Variants in CDH26 observed in about 807,000 individuals in gnomAD.
The protein encoded by CDH26 is cadherin-like protein 26.
In CDH26, 83 loss-of-function variants were observed where a neutral mutation model predicts 90.3. The ratio of observed to expected loss-of-function variants is 0.92; its 90% CI spans 0.77 to 1.10. The LOEUF is 1.10. Ranked by LOEUF, CDH26 falls within the 50% of genes least tolerant of loss-of-function variation. The pLI is 0.00. For missense variants in CDH26, 1,013 were observed against 1,037.6 expected (o/e 0.98, Z 0.33); for synonymous variants, 397 against 396.3 (o/e 1.00, Z -0.02).
chr20:59,990,832 C>T (rs2061519127), intron 9 of CDH26, among the ~76,000 whole-genome samples: 1 of 151,622 alleles, frequency 6.6e-6, no homozygotes, highest in Non-Finnish European at 1.5e-5. Flanking sequence ...TGTTAAAATG[C>T]AGATTGCTGG....
intron 8 of CDH26, among the ~76,000 whole-genome samples, chr20:60,032,366 G>T (rs2062046274): frequency 6.6e-6 from 1 of 152,202 alleles, no homozygotes; most frequent in Admixed American, 6.5e-5. Flanking sequence ...ATTTGCCAGG[G>T]AGACGAGGAG....
At chr20:60,000,369 C>T (rs2061660100) in intron 14 of CDH26, among the ~76,000 whole-genome samples, 1 of 152,164 alleles carries the variant, frequency 6.6e-6, no homozygotes, top group Admixed American at 6.5e-5. Flanking sequence ...CAAAGTTGAC[C>T]CAGGATTGCC....
downstream of CDH26, among the ~76,000 whole-genome samples, chr20:60,035,759 C>T (rs893371738): frequency 3.3e-5 from 5 of 152,054 alleles, no homozygotes; most frequent in African/African-American, 9.7e-5. Context: ...TGAGTTCTCA[C>T]GAGACCTGGT....
chr20:60,026,751 C>T (rs2062001203), intron 7 of CDH26, among the ~76,000 whole-genome samples: 2 of 152,202 alleles, frequency 1.3e-5, no homozygotes, highest in African/African-American at 4.8e-5. Flanking sequence ...AGAGAACAAG[C>T]TGAACTGCAC....
At chr20:60,007,525 A>C (rs938849930) in intron 17 of CDH26, among the ~76,000 whole-genome samples, 9 of 152,114 alleles carry the variant, frequency 5.9e-5, no homozygotes, top group Non-Finnish European at 1.2e-4. Context: ...ACCCACTAAA[A>C]CCCACTTTCA....
chr20:59,994,161 A>AT (rs903156238), intron 10 of CDH26, 89 bp from the exon 11 acceptor site: 97 of 1,513,268 alleles, frequency 6.4e-5, no homozygotes, highest in African/African-American at 2.5e-4. Context: ...TTTCAGGAAT[A>AT]TTTTTTTTCT....
At chr20:59,996,959 A>G (rs1359894246) in intron 13 of CDH26, among the ~76,000 whole-genome samples, 198 bp downstream of exon 13, 2 of 152,226 alleles carry the variant, frequency 1.3e-5, no homozygotes, top group Non-Finnish European at 2.9e-5. Context: ...AATGGTTCTC[A>G]ACCATGAGCA....
chr20:59,981,147 A>AT (rs1447783678), intron 4 of CDH26, among the ~76,000 whole-genome samples: 2 of 152,150 alleles, frequency 1.3e-5, no homozygotes, highest in Non-Finnish European at 2.9e-5. Flanking sequence ...TTTATAATAA[A>AT]TCTTGAAATT....
At chr20:60,006,254 T>C (rs1007267228) in intron 16 of CDH26, among the ~76,000 whole-genome samples, 2 of 152,166 alleles carry the variant, frequency 1.3e-5, no homozygotes, top group African/African-American at 4.8e-5. Flanking sequence ...CCTACCACTG[T>C]ATCCTCTGCC....
chr20:59,979,984 G>A (rs1326832143), intron 4 of CDH26, among the ~76,000 whole-genome samples: 1 of 152,108 alleles, frequency 6.6e-6, no homozygotes, highest in Non-Finnish European at 1.5e-5. Flanking sequence ...ATACCTAGGA[G>A]TGGCTTAGTT....
At chr20:59,976,054 C>A (rs959658309) in intron 4 of CDH26, among the ~76,000 whole-genome samples, 7 of 152,120 alleles carry the variant, frequency 4.6e-5, no homozygotes, top group Non-Finnish European at 1.0e-4. Context: ...TACCCCAAAA[C>A]CCATCTTTTT....
intron 16 of CDH26, among the ~76,000 whole-genome samples, chr20:60,004,661 G>A (rs1480642180): frequency 6.6e-6 from 1 of 151,376 alleles, no homozygotes; most frequent in African/African-American, 2.4e-5. Context: ...AGCTACTTGG[G>A]AGGCTGAGGC....
At chr20:59,974,752 G>A (rs1332305934) in intron 4 of CDH26, among the ~76,000 whole-genome samples, 1 of 152,160 alleles carries the variant, frequency 6.6e-6, no homozygotes, top group Non-Finnish European at 1.5e-5. Flanking sequence ...CACAAGGAAA[G>A]ATACAGGGTG....
At chr20:59,982,887 G>T (rs759778022) in intron 4 of CDH26, 36 bp from the exon 5 acceptor site, 5 of 1,604,978 alleles carry the variant, frequency 3.1e-6, no homozygotes, top group African/African-American at 1.3e-5. Flanking sequence ...TCGAGTAAAT[G>T]GTTCTGCAGG....
chr20:60,023,563 T>A (rs1199404721), intron 7 of CDH26, among the ~76,000 whole-genome samples: 1 of 150,400 alleles, frequency 6.6e-6, no homozygotes, highest in African/African-American at 2.5e-5. Flanking sequence ...AAATTTATAA[T>A]GTTAAAAAAA....
At chr20:59,993,183 A>C (rs2061549128) in intron 10 of CDH26, among the ~76,000 whole-genome samples, 3 of 152,114 alleles carry the variant, frequency 2.0e-5, no homozygotes, top group Non-Finnish European at 4.4e-5. Context: ...TTAAGGGAGG[A>C]GAAAAAATGG....
At chr20:59,981,424 AT>A (rs2061394052) in intron 4 of CDH26, among the ~76,000 whole-genome samples, 1 of 152,142 alleles carries the variant, frequency 6.6e-6, no homozygotes, top group African/African-American at 2.4e-5. Context: ...GTGTTTTAAC[AT>A]TTTCACTAAA....
chr20:60,003,399 G>A (rs569558113), intron 16 of CDH26, among the ~76,000 whole-genome samples: 5 of 152,108 alleles, frequency 3.3e-5, no homozygotes, highest in Non-Finnish European at 5.9e-5. Flanking sequence ...TGAATGTTGT[G>A]GATATAGTTT....
At chr20:59,995,218 A>T (rs1201337433) in intron 11 of CDH26, among the ~76,000 whole-genome samples, 1 of 152,064 alleles carries the variant, frequency 6.6e-6, no homozygotes, top group Admixed American at 6.5e-5. Context: ...CATGTCTGAC[A>T]CCAGTGTCTC....
Sources: gnomAD v4.1 joint callset for allele counts (sites outside exome capture counted in the v4.1 genomes callset) on GRCh38, gnomAD v4.1.1 for gene constraint, MANE v1.5 for transcripts, NCBI Gene and HGNC (gene_info 2026-07-23, HGNC 2026-07-21) for gene names.